RAI14: variants seen among roughly 807,000 people sequenced by gnomAD.
RAI14 encodes retinoic acid induced 14, also known as ankycorbin.
A neutral mutation model predicts 115.4 loss-of-function variants in RAI14; 45 were observed. The observed-to-expected ratio is 0.39, with a 90% CI of 0.31 to 0.50. RAI14 has a LOEUF of 0.50. Ranked by LOEUF, RAI14 falls within the 20% of genes least tolerant of loss-of-function variation. The pLI, the probability that RAI14 is intolerant of heterozygous loss-of-function variation, is 0.85. For missense variants in RAI14, 939 were observed against 1,131.2 expected, an observed-to-expected ratio of 0.83 and a Z score of 2.44; for synonymous variants, 371 against 415.4, an observed-to-expected ratio of 0.89 and a Z score of 1.30.
chr5:34,724,024 A>G (rs1297342585), intron 2 of RAI14, among the ~76,000 whole-genome samples: 1 of 151,850 alleles, frequency 6.6e-6, no homozygotes, highest in Non-Finnish European at 1.5e-5. Flanking sequence ...CCTTTTATTT[A>G]TTTATTTTTG....
chr5:34,814,463 C>G (rs1166465278), intron 11 of RAI14, 120 bp from the exon 12 acceptor site: 1 of 689,742 alleles, frequency 1.4e-6, no homozygotes, highest in African/African-American at 1.8e-5. Context: ...TAATTGATGC[C>G]AAGGATACTT....
At chr5:34,826,790 C>T (rs1410088990) in intron 16 of RAI14, among the ~76,000 whole-genome samples, 1 of 152,220 alleles carries the variant, frequency 6.6e-6, no homozygotes, top group Non-Finnish European at 1.5e-5. Context: ...CTGCAACAGT[C>T]TTTCCCCATC....
At chr5:34,733,602 C>T (rs961253255) in intron 2 of RAI14, among the ~76,000 whole-genome samples, 1 of 152,188 alleles carries the variant, frequency 6.6e-6, no homozygotes, top group Non-Finnish European at 1.5e-5. Context: ...AGCATCTGGA[C>T]CCTTCTCTAA....
At chr5:34,808,707 C>T (rs1222245490) in intron 7 of RAI14, 53 bp downstream of exon 7, 2 of 1,503,716 alleles carry the variant, frequency 1.3e-6, no homozygotes, top group Admixed American at 1.7e-5. Context: ...TTCTAGAGCT[C>T]AATGGGATAC....
At position 34,686,919 on chromosome 5, in the gene RAI14, C is replaced by A; in HGVS notation, c.-1C>A. 1 of 1,613,672 alleles carries A rather than the reference C, an allele frequency of 6.2e-7. No individual in the cohort carries two copies. The highest frequency in any genetic ancestry group is 1.1e-5 in the South Asian group (1 of 90,940). On this transcript the variant is annotated 5_prime_UTR_variant, in exon 2 of 18. Transcript: ENST00000265109. ...GCTTTGGAAGGCTGAATGCACTAAA[C>A]ATGAAGAGCTTGAAAGCGAAGTTCA...
At chr5:34,698,126 C>CTCCCCTCCCCCT (rs1739532095) in intron 2 of RAI14, among the ~76,000 whole-genome samples, 1 of 54,502 alleles carries the variant, frequency 1.8e-5, no homozygotes, top group African/African-American at 7.9e-5. Context: ...TCCCCTCCCC[C>CTCCCCTCCCCCT]TCCCCTCCCC....
Position 34,824,027 on chromosome 5 carries a change from T to C in RAI14, c.2185T>C (p.Ser729Pro). Residue 729 changes from serine (S) to proline (P), a missense_variant, in exon 15 of 18, where the codon TCT becomes CCT. Transcript: ENST00000265109. ...GGATGCACAAAAAGAGAACTCTGTCTCTATCACAGAACATTTGCAAGTGAT... is the reference window on the plus strand; with the variant it reads ...GGATGCACAAAAAGAGAACTCTGTCCCTATCACAGAACATTTGCAAGTGAT... ...LVDAQKENSV[S>P]ITEHLQVITT... 4.3e-6 allele frequency: 7 copies of C among 1,614,122 alleles called. No individual in the cohort carries two copies. The highest frequency in any genetic ancestry group is 5.9e-6 in the Non-Finnish European group (7 of 1,179,984).
chr5:34,829,376 C>T (rs761751019), intron 16 of RAI14, among the ~76,000 whole-genome samples: 6 of 151,986 alleles, frequency 3.9e-5, no homozygotes, highest in Non-Finnish European at 5.9e-5. Context: ...TTAGTAGAGA[C>T]GGGGTTTCAC....
At chr5:34,758,493 C>T (rs143891181) in intron 3 of RAI14, among the ~76,000 whole-genome samples, 33 of 152,194 alleles carry the variant, frequency 2.2e-4, no homozygotes, top group Admixed American at 6.5e-4. Flanking sequence ...TCCCAGGAAG[C>T]GTAAGAAAGG....
chr5:34,733,710 G>A (rs929109581), intron 2 of RAI14, among the ~76,000 whole-genome samples: 2 of 152,158 alleles, frequency 1.3e-5, no homozygotes, highest in Admixed American at 1.3e-4. Flanking sequence ...CAAAGGTTGG[G>A]GACAGAGAGG....
chr5:34,812,051 CAT>C, intron 9 of RAI14, 106 bp downstream of exon 9: 1 of 1,296,694 alleles, frequency 7.7e-7, no homozygotes, highest in Admixed American at 2.3e-5. Context: ...TTCTTTTAAA[CAT>C]ATTCTTGAAA....
intron 4 of RAI14, 72 bp from the exon 5 acceptor site, chr5:34,803,640 T>C: frequency 8.1e-7 from 1 of 1,239,430 alleles, no homozygotes; most frequent in East Asian, 2.6e-5. Context: ...TGTCTTCTCA[T>C]ATATAAGAAA....
At chr5:34,750,848 A>ATTTTTTTTTTTTTTTTTTTTTTTTTTT (rs869028180) in intron 2 of RAI14, among the ~76,000 whole-genome samples, 1 of 83,636 alleles carries the variant, frequency 1.2e-5, no homozygotes, top group Non-Finnish European at 2.1e-5. Context: ...TTGCTTTATC[A>ATTTTTTTTTTTTTTTTTTTTTTTTTTT]TTTTTTTTTT....
At chr5:34,689,982 C>T (rs1209552649) in intron 2 of RAI14, among the ~76,000 whole-genome samples, 3 of 152,156 alleles carry the variant, frequency 2.0e-5, no homozygotes, top group African/African-American at 7.2e-5. Flanking sequence ...TAATTAGCAA[C>T]CCGTAATAAA....
intron 2 of RAI14, among the ~76,000 whole-genome samples, chr5:34,752,473 CTG>C (rs1193409755): frequency 1.3e-5 from 2 of 151,876 alleles, no homozygotes; most frequent in African/African-American, 4.8e-5. Flanking sequence ...CAAGTCTAGA[CTG>C]TGGGCTTCGG....
chr5:34,794,047 C>A (rs1431109740), intron 3 of RAI14, among the ~76,000 whole-genome samples: 4 of 152,072 alleles, frequency 2.6e-5, no homozygotes, highest in African/African-American at 9.7e-5. Context: ...TGAAGCTATT[C>A]CAACAATGTT....
Position 34,814,645 on chromosome 5 carries a change from A to G in RAI14, c.915A>G (p.Val305=), listed in dbSNP as rs138066114. The change falls in exon 12 of 18, where the codon GTA becomes GTG. Residue 305 remains valine (V), a synonymous_variant. Coordinates refer to ENST00000265109, the MANE Select transcript of RAI14 (RefSeq NM_015577.3). Reference sequence around the variant, plus strand: ...CTCCACTATCGGGAAAGGAATCGGTATTTTTTGCTGAACCACCCTTCAAGG... The same window carrying G: ...CTCCACTATCGGGAAAGGAATCGGTGTTTTTTGCTGAACCACCCTTCAAGG... The part of the protein sequence containing the change: ...TSTPLSGKES[V]FFAEPPFKAE... The G allele has an allele frequency of 3.1e-6, 5 of 1,612,882 alleles. No individual in the cohort carries two copies. Among genetic ancestry groups the G allele is most frequent in the African/African-American group, 1.3e-5 (1 of 74,826 alleles).
intron 2 of RAI14, among the ~76,000 whole-genome samples, chr5:34,735,750 G>A (rs990399336): frequency 2.0e-5 from 3 of 152,156 alleles, no homozygotes; most frequent in Non-Finnish European, 2.9e-5. Context: ...AATTCGGCAG[G>A]GTTTATTTAA....
intron 2 of RAI14, among the ~76,000 whole-genome samples, chr5:34,754,390 C>T (rs139366144): frequency 0.011 from 1,722 of 152,192 alleles, 37 homozygotes; most frequent in African/African-American, 0.038. Context: ...ATTTTAAGAG[C>T]AAAACTCTTC....
Sources: allele counts gnomAD v4.1 joint callset (sites outside exome capture counted in the v4.1 genomes callset), GRCh38; gene constraint gnomAD v4.1.1; transcripts MANE v1.5; gene names NCBI Gene and HGNC (gene_info 2026-07-23, HGNC 2026-07-21).